The following TINAG variants were observed in gnomAD, a reference collection of about 807,000 sequenced individuals.
The protein encoded by TINAG is tubulointerstitial nephritis antigen.
Under a neutral mutation model 72.7 loss-of-function variants are expected in TINAG, and 83 were observed. That is an observed-to-expected ratio of 1.14 (90% confidence interval 0.96 to 1.37). TINAG has a LOEUF of 1.37. Among genes scored for constraint, TINAG ranks in the 40% most tolerant of loss-of-function variants. The pLI is 0.00. For synonymous variants in TINAG, 234 were observed against 189.9 expected (o/e 1.23, Z -1.91); for missense variants, 685 against 576.6 (o/e 1.19, Z -1.93).
At chr6:54,362,849 T>C (rs1371719301) in intron 9 of TINAG, among the ~76,000 whole-genome samples, 1 of 151,268 alleles carries the variant, frequency 6.6e-6, no homozygotes, top group Non-Finnish European at 1.5e-5. Flanking sequence ...TTACTGTGGG[T>C]GGATTTCGAG....
chr6:54,331,234 C>A (rs1419213542), intron 4 of TINAG, among the ~76,000 whole-genome samples: 1 of 152,168 alleles, frequency 6.6e-6, no homozygotes, highest in Non-Finnish European at 1.5e-5. Flanking sequence ...CTGAATCCAG[C>A]AGCACATTAA....
At chr6:54,343,713 G>A (rs777172859) in intron 5 of TINAG, among the ~76,000 whole-genome samples, 4 of 151,460 alleles carry the variant, frequency 2.6e-5, no homozygotes, top group Admixed American at 6.6e-5. Context: ...ACACACCCAC[G>A]TAATCCTCAT....
At chr6:54,370,781 T>G (rs1466320302) in intron 9 of TINAG, among the ~76,000 whole-genome samples, 1 of 152,034 alleles carries the variant, frequency 6.6e-6, no homozygotes, top group Non-Finnish European at 1.5e-5. Flanking sequence ...TTTATTTTTT[T>G]TCTGTTTTCA....
intron 9 of TINAG, among the ~76,000 whole-genome samples, chr6:54,375,836 T>C (rs967709227): frequency 6.6e-6 from 1 of 152,224 alleles, no homozygotes; most frequent in African/African-American, 2.4e-5. Flanking sequence ...CTGGAGACTA[T>C]ACCCGATGCT....
chr6:54,318,295 T>C (rs1207489347), intron 1 of TINAG, among the ~76,000 whole-genome samples: 3 of 152,196 alleles, frequency 2.0e-5, no homozygotes, highest in African/African-American at 7.2e-5. Flanking sequence ...AGGTTTTATC[T>C]AAATCTAAAA....
chr6:54,340,487 C>G (rs533475352), intron 4 of TINAG, among the ~76,000 whole-genome samples: 3 of 151,990 alleles, frequency 2.0e-5, no homozygotes, highest in African/African-American at 7.2e-5. Flanking sequence ...TGATGCTTAC[C>G]TTTATTTATA....
intron 1 of TINAG, among the ~76,000 whole-genome samples, chr6:54,314,041 G>C (rs551233737): frequency 7.9e-5 from 12 of 152,228 alleles, no homozygotes; most frequent in African/African-American, 2.9e-4. Flanking sequence ...AGGAGACTTA[G>C]GTATGCGAAA....
intron 4 of TINAG, among the ~76,000 whole-genome samples, chr6:54,335,289 A>C (rs1305105009): frequency 6.6e-6 from 1 of 152,208 alleles, no homozygotes; most frequent in Admixed American, 6.5e-5. Flanking sequence ...TTTGCATAAA[A>C]GTCACTCTGG....
In TINAG at chr6:54,320,618, T is replaced by C. The variant is rs1554202233; in HGVS notation, c.395T>C (p.Val132Ala). 3 of 1,609,246 alleles carry C rather than the reference T, an allele frequency of 1.9e-6. No homozygotes were observed. Among genetic ancestry groups the C allele is most frequent in the Non-Finnish European group, 1.7e-6 (2 of 1,177,500 alleles). Residue 132 changes from valine (V) to alanine (A), a missense_variant, in exon 2 of 11, where the codon GTA (valine) becomes GCA (alanine). Coordinates refer to ENST00000259782, the MANE Select transcript of TINAG (RefSeq NM_014464.4). ...KDGQHYEEGS[V>A]IKENCNSCTC... The stretch of plus-strand genomic sequence containing the variant: ...GGTCAACATTATGAAGAGGGATCAG[T>C]AATTAAAGAAAACTGCAACTCCTGG...
chr6:54,366,092 C>A (rs900105677), intron 9 of TINAG, among the ~76,000 whole-genome samples: 1 of 151,580 alleles, frequency 6.6e-6, no homozygotes, highest in African/African-American at 2.4e-5. Flanking sequence ...AGAACTCTCA[C>A]GAAATACAAC....
intron 4 of TINAG, among the ~76,000 whole-genome samples, chr6:54,338,425 A>G (rs764105954): frequency 6.6e-6 from 1 of 152,182 alleles, no homozygotes; most frequent in Non-Finnish European, 1.5e-5. Flanking sequence ...AGTATGTTCC[A>G]TAAAACACTA....
chr6:54,349,728 C>T lies in TINAG; in HGVS notation c.912C>T (p.His304=), dbSNP rs751188992. The T allele has an allele frequency of 8.3e-6, 13 of 1,574,072 alleles. 1 individual carries two copies. The highest frequency in any genetic ancestry group is 4.7e-5 in the South Asian group (4 of 85,406). ...TTATTCCTCATAGACTGGTATCCCA[C>T]GCATGCTACCCACTTTTCAAAGACC... ...WYLRKRGLVS[H]ACYPLFKDQN... is the part of the protein sequence containing the mutation. The change falls in exon 7 of 11, where the codon CAC becomes CAT. Residue 304 remains histidine, a synonymous_variant. Transcript: ENST00000259782.
intron 5 of TINAG, among the ~76,000 whole-genome samples, chr6:54,346,729 C>T (rs1168649673): frequency 6.6e-6 from 1 of 151,784 alleles, no homozygotes; most frequent in Non-Finnish European, 1.5e-5. Flanking sequence ...TAATAATTTT[C>T]ATTTATATTA....
At chr6:54,373,091 A>G (rs1763681167) in intron 9 of TINAG, among the ~76,000 whole-genome samples, 1 of 152,108 alleles carries the variant, frequency 6.6e-6, no homozygotes, top group Non-Finnish European at 1.5e-5. Context: ...CAATGTAACA[A>G]TTGTGTTCAT....
intron 4 of TINAG, among the ~76,000 whole-genome samples, chr6:54,328,370 G>A (rs1813105): frequency 0.82 from 124,784 of 152,008 alleles, 51,839 homozygotes; most frequent in African/African-American, 0.94. Flanking sequence ...AGACCTGCAG[G>A]AGAGGGGCCT....
At chr6:54,352,783 G>A (rs910352597) in intron 8 of TINAG, among the ~76,000 whole-genome samples, 3 of 147,006 alleles carry the variant, frequency 2.0e-5, no homozygotes, top group Non-Finnish European at 3.0e-5. Flanking sequence ...ATTTTGAATT[G>A]TAATTATTTA....
rs922808368 is a variant in TINAG, at chr6:54,389,965, C to T, written c.*40C>T. On this transcript the variant is annotated 3_prime_UTR_variant, in exon 11 of 11. Coordinates refer to ENST00000259782, the MANE Select transcript of TINAG (RefSeq NM_014464.4). ...TCCATAAGGTCATGCCTTTAAGTAACCCCCTAAATTGAAGTTTAGCAATAT... is the reference window on the plus strand; with the variant it reads ...TCCATAAGGTCATGCCTTTAAGTAATCCCCTAAATTGAAGTTTAGCAATAT... The T allele has an allele frequency of 1.3e-6, 2 of 1,589,044 alleles. No individual in the cohort carries two copies. The highest frequency in any genetic ancestry group is 1.7e-6 in the Non-Finnish European group (2 of 1,172,502).
intron 3 of TINAG, among the ~76,000 whole-genome samples, chr6:54,325,525 CACAT>C (rs988934489): frequency 3.3e-5 from 5 of 152,118 alleles, no homozygotes; most frequent in African/African-American, 1.2e-4. Flanking sequence ...CATCAACACA[CACAT>C]ACAGACACAG....
chr6:54,332,192 G>A (rs938071233), intron 4 of TINAG, among the ~76,000 whole-genome samples: 8 of 152,080 alleles, frequency 5.3e-5, no homozygotes, highest in African/African-American at 1.9e-4. Flanking sequence ...AAAGATGGAG[G>A]CATCATGCTA....
Sources: allele counts gnomAD v4.1 joint callset (sites outside exome capture counted in the v4.1 genomes callset), GRCh38; gene constraint gnomAD v4.1.1; transcripts MANE v1.5; gene names NCBI Gene and HGNC (gene_info 2026-07-23, HGNC 2026-07-21).